Variants in CYTH3 observed in about 807,000 individuals in gnomAD.
The protein encoded by CYTH3 is cytohesin 3, also known as cytohesin-3.
In CYTH3, 23 loss-of-function variants were observed where a neutral mutation model predicts 55.1. That is an observed-to-expected ratio of 0.42 (90% confidence interval 0.30 to 0.59). CYTH3 has a LOEUF of 0.59. Ranked by LOEUF, CYTH3 falls within the 20% of genes least tolerant of loss-of-function variation. The probability of loss-of-function intolerance (pLI) is 0.20; values close to 1 mark genes in which losing one functional copy is unlikely to be tolerated. For synonymous variants in CYTH3, 249 were observed against 194.9 expected (o/e 1.28, Z -2.31); for missense variants, 413 against 524.8 (o/e 0.79, Z 2.08).
chr7:6,272,606 T>C lies in CYTH3; in HGVS notation c.-99A>G. 2.1e-6 allele frequency: 2 copies of C among 944,516 alleles called. No individual in the cohort carries two copies. The highest frequency in any genetic ancestry group is 2.6e-6 in the Non-Finnish European group (2 of 772,226). The allele number at this position is 944,516 out of a possible 1,614,324, so 58.5% of individuals were successfully genotyped here. On this transcript the variant is annotated 5_prime_UTR_variant, in exon 1 of 13. Transcript: ENST00000350796. ...GGGAGCGCGCAGGCGACCGGGCGGC[T>C]CCTCAGCGCGCGGCCCGGGTCGCGG...
At chr7:6,269,129 A>G (rs1191026389) in intron 1 of CYTH3, among the ~76,000 whole-genome samples, 1 of 152,144 alleles carries the variant, frequency 6.6e-6, no homozygotes, top group African/African-American at 2.4e-5. Flanking sequence ...GCCGGAAGCC[A>G]GCTGACCAAG....
intron 1 of CYTH3, among the ~76,000 whole-genome samples, chr7:6,239,736 A>G (rs1277373161): frequency 1.3e-5 from 2 of 152,250 alleles, no homozygotes; most frequent in Non-Finnish European, 2.9e-5. Flanking sequence ...CTAGTTAGAC[A>G]CTAAAGTAGA....
chr7:6,196,290 C>G (rs1041052394), intron 1 of CYTH3, among the ~76,000 whole-genome samples: 1 of 151,968 alleles, frequency 6.6e-6, no homozygotes, highest in Non-Finnish European at 1.5e-5. Flanking sequence ...CAAGAGATAA[C>G]GTGAGAAGTA....
Position 6,165,279 on chromosome 7 carries a change from G to C in CYTH3, c.1121C>G (p.Ser374Cys). ...CCCCCGAGGCCCCACTCACTTGATG[G>C]ATTTCATCCACTCCTCCTTCTCCTC... ...SPEEKEEWMK[S>C]IKASISRDPF... Residue 374 changes from serine to cysteine, a missense_variant, in exon 12 of 13, where the codon TCC becomes TGC. By Grantham distance (112) the Ser-to-Cys change is moderately radical. This residue lies in a region of CYTH3 where 98 missense variants were observed against 115.2 expected (regional missense o/e 0.85). Transcript: ENST00000350796. 3.1e-6 allele frequency: 5 copies of C among 1,611,568 alleles called. No homozygotes were observed. Among genetic ancestry groups the C allele is most frequent in the Non-Finnish European group, 4.2e-6 (5 of 1,178,848 alleles).
At chr7:6,192,705 G>T (rs1202816448) in intron 1 of CYTH3, among the ~76,000 whole-genome samples, 2 of 150,652 alleles carry the variant, frequency 1.3e-5, no homozygotes, top group Non-Finnish European at 3.0e-5. Context: ...CTAATTTTTT[G>T]TATTTTTAGT....
Position 6,193,833 on chromosome 7 carries a change from CAG to C in CYTH3, c.35-3304_35-3303del, listed in dbSNP as rs144746675. Among the ~76,000 whole-genome samples, 431 of 152,284 alleles carry C rather than the reference CAG, an allele frequency of 2.8e-3. 3 individuals carry two copies. Among genetic ancestry groups the C allele is most frequent in the African/African-American group, 9.6e-3 (398 of 41,558 alleles). On this transcript the variant is annotated intron_variant, in intron 1 of 12. Coordinates refer to ENST00000350796, the MANE Select transcript of CYTH3 (RefSeq NM_004227.4). ...GAGGGCAAGGGCACCCTACTAAAAA[CAG>C]GGGTGAGAGATAAAAGCAAACATAC...
At position 6,199,802 on chromosome 7, in the gene CYTH3, C is replaced by T. The variant is rs142206534; in HGVS notation, c.35-9271G>A. On this transcript the variant is annotated intron_variant, in intron 1 of 12. Transcript: ENST00000350796. ...GTTAGTGTTCAAAGCAGAAATAATA[C>T]GACATGTATTGGGTTAATAACAAAT... Among the ~76,000 whole-genome samples, 479 of 152,142 alleles carry T rather than the reference C, an allele frequency of 3.1e-3. 5 individuals carry two copies. The highest frequency in any genetic ancestry group is 5.4e-3 in the Non-Finnish European group (369 of 67,994).
chr7:6,222,003 A>T (rs1784564135), intron 1 of CYTH3, among the ~76,000 whole-genome samples: 1 of 152,228 alleles, frequency 6.6e-6, no homozygotes, highest in Admixed American at 6.5e-5. Context: ...GCATAAGGTA[A>T]GGAAAAACCA....
chr7:6,272,141 G>A (rs371932046), intron 1 of CYTH3, among the ~76,000 whole-genome samples: 37 of 152,300 alleles, frequency 2.4e-4, no homozygotes, highest in African/African-American at 8.4e-4. Context: ...AAGATGCGGG[G>A]AAGGTCGCCC....
chr7:6,170,679 G>A lies in CYTH3; in HGVS notation c.712-33C>T. 1 of 1,600,932 alleles carries A rather than the reference G, an allele frequency of 6.2e-7. No individual in the cohort carries two copies. Among genetic ancestry groups the A allele is most frequent in the Non-Finnish European group, 8.5e-7 (1 of 1,172,520 alleles). ...GAGGGAAAACAGCAGCCAGTTCAGA[G>A]ACTCGGAGGAAAATGGCTGGCCGGG... On this transcript the variant is annotated intron_variant, in intron 8 of 12. Transcript: ENST00000350796. The surrounding 1 kb of genome is among the most constrained non-coding windows in gnomAD (Gnocchi z 7.8).
rs865916502 is a variant in CYTH3 at position 6,245,627 on chromosome 7, G to A, written c.34+26847C>T. On this transcript the variant is annotated intron_variant, in intron 1 of 12. Transcript: ENST00000350796. ...ATTACCTCAAAAGAGTTTGGGGGCC[G>A]GGCATGGCAGCTCACGCCTGTAATT... is the stretch of plus-strand genomic sequence containing the variant. Among the ~76,000 whole-genome samples the A allele has an allele frequency of 9.2e-5, 14 of 152,346 alleles. No homozygotes were observed. In the East Asian group the frequency reaches 1.9e-3, roughly 21 times the overall value.
In CYTH3 at chr7:6,171,504, G is replaced by C. The variant is rs1783193215; in HGVS notation, c.450-190C>G. 6.6e-6 allele frequency among the ~76,000 whole-genome samples: 1 copy of C among 152,152 alleles called. No individual in the cohort carries two copies. Among genetic ancestry groups the C allele is most frequent in the Admixed American group, 6.5e-5 (1 of 15,276 alleles). On this transcript the variant is annotated intron_variant, in intron 6 of 12. Coordinates refer to ENST00000350796, the MANE Select transcript of CYTH3 (RefSeq NM_004227.4). This position sits in a 1 kb window ranked among gnomAD's most constrained non-coding sequence, Gnocchi z 6.7. ...AGTCTCCTTCCGTTCCATAACTCGAGACACGCTTACTGATGGCTCATCTTT... is the reference window on the plus strand; with the variant it reads ...AGTCTCCTTCCGTTCCATAACTCGACACACGCTTACTGATGGCTCATCTTT...
intron 1 of CYTH3, among the ~76,000 whole-genome samples, chr7:6,258,603 G>A (rs139287328): frequency 6.6e-6 from 1 of 151,890 alleles, no homozygotes; most frequent in African/African-American, 2.4e-5. Flanking sequence ...TTGCAATAGG[G>A]CATCAACAAT....
intron 1 of CYTH3, among the ~76,000 whole-genome samples, chr7:6,259,743 AATATATATATATATTATATATATATATAT>A (rs1780232623): frequency 5.5e-5 from 2 of 36,192 alleles, no homozygotes; most frequent in Non-Finnish European, 9.1e-5. Context: ...ACATATATAT[AATATATATATATATTATATATATATATAT>A]TATATATATA....
Position 6,247,554 on chromosome 7 carries a change from CTT to C in CYTH3, c.34+24918_34+24919del, listed in dbSNP as rs374770590. On this transcript the variant is annotated intron_variant, in intron 1 of 12. Transcript: ENST00000350796. Reference sequence around the variant, plus strand: ...ATAATTTAACTTTCTACATTGTAAACTTTTGCTCTTCATGAATCGTAAGGGAG... The same window carrying C: ...ATAATTTAACTTTCTACATTGTAAACTTGCTCTTCATGAATCGTAAGGGAG... Among the ~76,000 whole-genome samples, 123 of 152,306 alleles carry C rather than the reference CTT, an allele frequency of 8.1e-4. 1 individual carries two copies. The East Asian group carries it at 0.02, about 25-fold the overall frequency.
At chr7:6,263,238 C>A (rs1780399536) in intron 1 of CYTH3, among the ~76,000 whole-genome samples, 1 of 152,138 alleles carries the variant, frequency 6.6e-6, no homozygotes, top group African/African-American at 2.4e-5. Flanking sequence ...TAAAGCAATA[C>A]ATCATTTCTT....
chr7:6,225,313 A>G (rs1271703551), intron 1 of CYTH3, among the ~76,000 whole-genome samples: 2 of 152,186 alleles, frequency 1.3e-5, no homozygotes, highest in African/African-American at 4.8e-5. Flanking sequence ...GTATGGGATA[A>G]ACTGTTAAGA....
intron 9 of CYTH3, among the ~76,000 whole-genome samples, chr7:6,168,151 T>C (rs1400838220): frequency 6.6e-6 from 1 of 151,940 alleles, no homozygotes; most frequent in Non-Finnish European, 1.5e-5. Context: ...GGCAGGCGCG[T>C]ACGTGCACAC....
intron 1 of CYTH3, among the ~76,000 whole-genome samples, chr7:6,231,062 C>T (rs1410094935): frequency 6.6e-6 from 1 of 152,162 alleles, no homozygotes; most frequent in Non-Finnish European, 1.5e-5. Flanking sequence ...CAGGCCTTTC[C>T]CCTCTCACCT....
Sources: gnomAD v4.1 joint callset for allele counts (sites outside exome capture counted in the v4.1 genomes callset) on GRCh38, gnomAD v4.1.1 for gene constraint, gnomAD v4.1.1 regional missense constraint, Gnocchi (gnomAD v3.1) non-coding constraint, MANE v1.5 for transcripts, NCBI Gene and HGNC (gene_info 2026-07-23, HGNC 2026-07-21) for gene names.